TRPS1: variants seen among roughly 807,000 people sequenced by gnomAD.
The protein encoded by TRPS1 is zinc finger transcription factor Trps1.
Under a neutral mutation model 101.2 loss-of-function variants are expected in TRPS1, and 6 were observed. That is an observed-to-expected ratio of 0.06 (90% CI 0.03 to 0.12). TRPS1 has a LOEUF of 0.12. Ranked by LOEUF, TRPS1 falls within the 10% of genes least tolerant of loss-of-function variation. The pLI, the probability that TRPS1 is intolerant of heterozygous loss-of-function variation, is 1.00. For synonymous variants in TRPS1, 578 were observed against 589.8 expected, an observed-to-expected ratio of 0.98 and a Z score of 0.29; for missense variants, 1,363 against 1,567.0, an observed-to-expected ratio of 0.87 and a Z score of 2.20.
At chr8:115,455,352 G>A (rs1813990452) in intron 5 of TRPS1, among the ~76,000 whole-genome samples, 2 of 152,180 alleles carry the variant, frequency 1.3e-5, no homozygotes, top group African/African-American at 4.8e-5. Flanking sequence ...GGTTTAGCAT[G>A]TATTACCTAA....
At chr8:115,584,996 T>C (rs565620429) in intron 5 of TRPS1, among the ~76,000 whole-genome samples, 14 of 152,288 alleles carry the variant, frequency 9.2e-5, no homozygotes, top group African/African-American at 3.4e-4. Context: ...TCCTTTTATA[T>C]ATGCATATGC....
chr8:115,443,105 G>T (rs1366330415), intron 5 of TRPS1, among the ~76,000 whole-genome samples: 2 of 148,472 alleles, frequency 1.3e-5, no homozygotes, highest in East Asian at 4.0e-4. Context: ...CAAAAAAAAA[G>T]AAAAAGGAAA....
At position 115,642,656 on chromosome 8, in the gene TRPS1, A is replaced by T. The variant is rs1178265192; in HGVS notation, c.-121-18898T>A. Among the ~76,000 whole-genome samples the T allele has an allele frequency of 2.6e-5, 4 of 152,056 alleles. No homozygotes were observed. In the East Asian group the frequency reaches 7.7e-4, roughly 29 times the overall value. Reference sequence around the variant, plus strand: ...AATTAGGGACACCTTTTCTATCAAAAAATGACTCCAAAGGTGCATGGTAAT... The same window carrying T: ...AATTAGGGACACCTTTTCTATCAAATAATGACTCCAAAGGTGCATGGTAAT... On this transcript the variant is annotated intron_variant, in intron 1 of 6. Transcript: ENST00000395715.
rs185592397 is a variant in TRPS1 at position 115,443,267 on chromosome 8, C to T, written c.2701-24815G>A. ...CCTGGGTGACAGAGTGAGACTGTCT[C>T]CTTGAAAAGAAAAGAAGTGGGTGAT... On this transcript the variant is annotated intron_variant, in intron 5 of 6. Transcript: ENST00000395715. Among the ~76,000 whole-genome samples the T allele has an allele frequency of 4.5e-4, 69 of 152,110 alleles. 1 individual carries two copies. The highest frequency in any genetic ancestry group is 1.6e-3 in the African/African-American group (65 of 41,498).
At chr8:115,605,940 T>C (rs947462859) in intron 3 of TRPS1, among the ~76,000 whole-genome samples, 2 of 152,178 alleles carry the variant, frequency 1.3e-5, no homozygotes, top group African/African-American at 4.8e-5. Flanking sequence ...AAGCCACCAC[T>C]GAGCAGCCAA....
chr8:115,609,736 C>T (rs1006577059), intron 3 of TRPS1, among the ~76,000 whole-genome samples: 1 of 152,170 alleles, frequency 6.6e-6, no homozygotes, highest in Non-Finnish European at 1.5e-5. Flanking sequence ...ATTTTAAAGT[C>T]TTTTTCACTG....
rs1008443954 is a variant in TRPS1, at chr8:115,409,279, A to G, written c.*4744T>C. The G allele has an allele frequency of 5.3e-5, 8 of 150,080 alleles. No homozygotes were observed. The highest frequency in any genetic ancestry group is 1.2e-4 in the Non-Finnish European group (8 of 67,480). The allele number at this position is 150,080 out of a possible 1,614,324, so 9.3% of individuals were successfully genotyped here. On this transcript the variant is annotated 3_prime_UTR_variant, in exon 7 of 7. Transcript: ENST00000395715. ...ATGTTGGGAAAAAAAAAAAAAAAAA[A>G]AACAGGGGAAAACCAGAATTGAGTT...
At chr8:115,608,871 G>A (rs977762226) in intron 3 of TRPS1, among the ~76,000 whole-genome samples, 2 of 147,594 alleles carry the variant, frequency 1.4e-5, no homozygotes, top group Non-Finnish European at 1.5e-5. Context: ...TTAGAGGCAG[G>A]GTCTCAGTCT....
At chr8:115,615,628 G>A (rs568809076) in intron 3 of TRPS1, among the ~76,000 whole-genome samples, 14 of 152,246 alleles carry the variant, frequency 9.2e-5, no homozygotes, top group Admixed American at 9.2e-4. Flanking sequence ...GGGCGTGGTG[G>A]TGCACACCTG....
chr8:115,496,139 C>A (rs1815144424), intron 5 of TRPS1, among the ~76,000 whole-genome samples: 1 of 152,130 alleles, frequency 6.6e-6, no homozygotes, highest in Non-Finnish European at 1.5e-5. Flanking sequence ...TCCATTACAT[C>A]CAATCCTTAA....
chr8:115,487,105 T>G (rs1173543387), intron 5 of TRPS1, among the ~76,000 whole-genome samples: 3 of 152,208 alleles, frequency 2.0e-5, no homozygotes, highest in African/African-American at 7.2e-5. Flanking sequence ...AGTGCTCATT[T>G]ATCATTCTAA....
At chr8:115,453,733 A>C (rs1425850089) in intron 5 of TRPS1, among the ~76,000 whole-genome samples, 2 of 152,220 alleles carry the variant, frequency 1.3e-5, no homozygotes. Context: ...CAGTTATAAG[A>C]CTATCCACTT....
intron 1 of TRPS1, among the ~76,000 whole-genome samples, chr8:115,638,743 T>C (rs2737233): frequency 1 from 152,311 of 152,312 alleles, 76,155 homozygotes; most frequent in Middle Eastern, 1. Flanking sequence ...TTACCCTTTT[T>C]TTTGAGCTTA....
chr8:115,498,389 C>G (rs1434585127), intron 5 of TRPS1, among the ~76,000 whole-genome samples: 7 of 72,920 alleles, frequency 9.6e-5, no homozygotes, highest in African/African-American at 2.5e-4. Flanking sequence ...CTCTCTCTCT[C>G]TCTCTCTCTC....
intron 5 of TRPS1, among the ~76,000 whole-genome samples, chr8:115,489,098 C>T (rs571423303): frequency 2.0e-4 from 30 of 152,298 alleles, no homozygotes; most frequent in African/African-American, 7.0e-4. Flanking sequence ...TCATCCTCCA[C>T]ATCCTGCCCC....
chr8:115,541,504 CTT>C (rs2130307893), intron 5 of TRPS1, among the ~76,000 whole-genome samples: 2 of 152,286 alleles, frequency 1.3e-5, no homozygotes, highest in African/African-American at 4.8e-5. Flanking sequence ...TACTTCCAAA[CTT>C]ATATCCATAA....
intron 4 of TRPS1, 102 bp downstream of exon 4, chr8:115,603,771 A>C: frequency 7.2e-7 from 1 of 1,395,598 alleles, no homozygotes; most frequent in Non-Finnish European, 9.9e-7. Flanking sequence ...TCCCCAAGTC[A>C]TTGGAATCAC....
intron 3 of TRPS1, among the ~76,000 whole-genome samples, chr8:115,617,423 A>G (rs1156938583): frequency 6.6e-6 from 1 of 152,182 alleles, no homozygotes; most frequent in African/African-American, 2.4e-5. Context: ...AAACTTTACT[A>G]TAAATAACTA....
intron 1 of TRPS1, among the ~76,000 whole-genome samples, chr8:115,632,995 G>A (rs932768995): frequency 1.3e-5 from 2 of 152,084 alleles, no homozygotes; most frequent in Admixed American, 6.6e-5. Context: ...GTGTGTGTGC[G>A]ATTTTTCAGT....
Sources: allele counts gnomAD v4.1 joint callset (sites outside exome capture counted in the v4.1 genomes callset), GRCh38; gene constraint gnomAD v4.1.1; transcripts MANE v1.5; gene names NCBI Gene and HGNC (gene_info 2026-07-23, HGNC 2026-07-21).